CPNE4: variants seen among roughly 807,000 people sequenced by gnomAD.
The protein encoded by CPNE4 is copine-4.
A neutral mutation model predicts 67.9 loss-of-function variants in CPNE4; 25 were observed. That is an observed-to-expected ratio of 0.37 (90% CI 0.27 to 0.51). CPNE4 has a LOEUF of 0.51. Ranked by LOEUF, CPNE4 falls within the 20% of genes least tolerant of loss-of-function variation. The pLI, the probability that CPNE4 is intolerant of heterozygous loss-of-function variation, is 0.93. For missense variants in CPNE4, 464 were observed against 690.8 expected (o/e 0.67, Z 3.68); for synonymous variants, 242 against 244.9 (o/e 0.99, Z 0.11).
intron 7 of CPNE4, among the ~76,000 whole-genome samples, chr3:131,616,938 CG>C (rs1183163756): frequency 6.6e-6 from 1 of 152,118 alleles, no homozygotes; most frequent in Non-Finnish European, 1.5e-5. Flanking sequence ...TCAGGTCCAT[CG>C]GGGATAATGA....
chr3:131,662,633 C>G (rs1036643304), intron 7 of CPNE4, among the ~76,000 whole-genome samples: 1 of 151,994 alleles, frequency 6.6e-6, no homozygotes, highest in Non-Finnish European at 1.5e-5. Flanking sequence ...AAAAAACAAC[C>G]CCATCAAAAC....
At chr3:131,715,214 A>G (rs1027964784) in intron 3 of CPNE4, among the ~76,000 whole-genome samples, 1 of 152,190 alleles carries the variant, frequency 6.6e-6, no homozygotes, top group Non-Finnish European at 1.5e-5. Context: ...ACACACTGCC[A>G]TTTTTTAAGA....
intron 2 of CPNE4, among the ~76,000 whole-genome samples, chr3:131,734,328 G>A (rs1560204535): frequency 6.6e-6 from 1 of 152,140 alleles, no homozygotes. Flanking sequence ...GGTAACCTTG[G>A]ATCTTAAATT....
chr3:131,677,543 T>G (rs1293933917), intron 6 of CPNE4, among the ~76,000 whole-genome samples: 1 of 152,218 alleles, frequency 6.6e-6, no homozygotes, highest in Non-Finnish European at 1.5e-5. Flanking sequence ...TAGGTTGTCT[T>G]CCAGGGTTTT....
intron 2 of CPNE4, among the ~76,000 whole-genome samples, chr3:131,873,254 T>A (rs1002977341): frequency 3.9e-5 from 6 of 152,186 alleles, no homozygotes; most frequent in Non-Finnish European, 4.4e-5. Flanking sequence ...CTTATTTGCC[T>A]TTTCACATCC....
At chr3:131,952,505 C>G (rs1214336911) in intron 1 of CPNE4, among the ~76,000 whole-genome samples, 18 of 99,026 alleles carry the variant, frequency 1.8e-4, no homozygotes, top group Admixed American at 1.6e-3. Flanking sequence ...CCAGCCGCCC[C>G]ATCCGGGAGG....
intron 7 of CPNE4, among the ~76,000 whole-genome samples, chr3:131,588,490 A>C (rs1391037479): frequency 2.0e-5 from 3 of 152,200 alleles, no homozygotes; most frequent in Non-Finnish European, 4.4e-5. Context: ...CCTTTTGCTC[A>C]GAGGTTTTCC....
intron 7 of CPNE4, among the ~76,000 whole-genome samples, chr3:131,630,392 A>C (rs2079191078): frequency 6.6e-6 from 1 of 152,242 alleles, no homozygotes; most frequent in Non-Finnish European, 1.5e-5. Context: ...GAACTACTGT[A>C]CTCAGGGCCT....
At chr3:131,909,115 C>G (rs191069497) in intron 1 of CPNE4, among the ~76,000 whole-genome samples, 1 of 152,080 alleles carries the variant, frequency 6.6e-6, no homozygotes. Context: ...AGCATACTAC[C>G]CTCCATCTAA....
intron 3 of CPNE4, 125 bp from the exon 4 acceptor site, chr3:131,700,105 A>C (rs2081260562): frequency 2.0e-6 from 1 of 493,620 alleles, no homozygotes; most frequent in Admixed American, 4.1e-5. Context: ...CGTTTGTGTC[A>C]ATTTATATTT....
chr3:131,699,890 T>A lies in CPNE4; in HGVS notation c.432+19A>T. 1 of 1,609,672 alleles carries A rather than the reference T, an allele frequency of 6.2e-7. No individual in the cohort carries two copies. The highest frequency in any genetic ancestry group is 1.1e-5 in the South Asian group (1 of 90,612). ...GCTCTCCACTCAGGCAGACAGCTGC[T>A]TAGGGAGTGCCTGCTTACCGTGATG... is the stretch of plus-strand genomic sequence containing the variant. On this transcript the variant is annotated intron_variant, in intron 4 of 15. Coordinates refer to ENST00000429747, the MANE Select transcript of CPNE4 (RefSeq NM_130808.3).
chr3:131,602,421 C>T (rs1268204176), intron 7 of CPNE4, among the ~76,000 whole-genome samples: 1 of 152,078 alleles, frequency 6.6e-6, no homozygotes, highest in Non-Finnish European at 1.5e-5. Flanking sequence ...AAGAAATGCC[C>T]AGGAGGAGAT....
chr3:131,764,205 T>C (rs1056153305), intron 2 of CPNE4, among the ~76,000 whole-genome samples: 1 of 151,174 alleles, frequency 6.6e-6, no homozygotes, highest in African/African-American at 2.4e-5. Flanking sequence ...ATGCTCAAAA[T>C]ATGCAGGTGG....
At chr3:131,792,719 G>GTA (rs774543857) in intron 2 of CPNE4, among the ~76,000 whole-genome samples, 7,303 of 68,940 alleles carry the variant, frequency 0.11, 871 homozygotes, top group African/African-American at 0.15. Context: ...GTGTATATAT[G>GTA]TATATATATA....
intron 4 of CPNE4, among the ~76,000 whole-genome samples, chr3:131,697,769 C>A (rs1222821486): frequency 6.6e-6 from 1 of 152,092 alleles, no homozygotes; most frequent in Non-Finnish European, 1.5e-5. Flanking sequence ...GATTACTGAC[C>A]CTTAAGTATT....
At chr3:131,882,721 C>CTATTT in intron 2 of CPNE4, among the ~76,000 whole-genome samples, 1 of 113,620 alleles carries the variant, frequency 8.8e-6, no homozygotes, top group Admixed American at 9.6e-5. Flanking sequence ...CAGTTCTGCT[C>CTATTT]TATTTTTTTT....
intron 2 of CPNE4, among the ~76,000 whole-genome samples, chr3:131,827,506 A>G (rs1463892834): frequency 6.6e-6 from 1 of 152,112 alleles, no homozygotes; most frequent in African/African-American, 2.4e-5. Flanking sequence ...CTGCTAGCAC[A>G]GCAAGATGTG....
chr3:131,657,570 C>G (rs1245392922), intron 7 of CPNE4, among the ~76,000 whole-genome samples: 1 of 138,746 alleles, frequency 7.2e-6, no homozygotes, highest in Non-Finnish European at 1.5e-5. Context: ...GAGTCTCACT[C>G]TGTCGCCAGG....
At chr3:131,654,055 T>C (rs1477810448) in intron 7 of CPNE4, among the ~76,000 whole-genome samples, 3 of 152,214 alleles carry the variant, frequency 2.0e-5, no homozygotes. Context: ...TTTTGGCCTT[T>C]ATACTCAGAA....
Sources: allele counts gnomAD v4.1 joint callset (sites outside exome capture counted in the v4.1 genomes callset), GRCh38; gene constraint gnomAD v4.1.1; transcripts MANE v1.5; gene names NCBI Gene and HGNC (gene_info 2026-07-23, HGNC 2026-07-21).